Variants in AFG2A observed in about 807,000 individuals in gnomAD.
AFG2A encodes the protein AAA ATPase AFG2A.
At chr4:123,073,931 A>G in the AFG2A span, among the ~76,000 whole-genome samples, 1 of 152,102 alleles carries the variant, frequency 6.6e-6, no homozygotes, top group Non-Finnish European at 1.5e-5. Context: ...TGCAGAAGTT[A>G]TTTTGCATAG....
chr4:123,219,119 C>T, the AFG2A span, among the ~76,000 whole-genome samples: 2 of 152,174 alleles, frequency 1.3e-5, no homozygotes, highest in Non-Finnish European at 2.9e-5. Flanking sequence ...AGCCTTAAAA[C>T]CAGGGAATCC....
the AFG2A span, among the ~76,000 whole-genome samples, chr4:123,037,136 A>G: frequency 6.6e-6 from 1 of 152,060 alleles, no homozygotes; most frequent in Admixed American, 6.5e-5. Context: ...TGTCAGACAC[A>G]TTTAAAAAGC....
chr4:123,261,167 C>T, the AFG2A span, among the ~76,000 whole-genome samples: 1 of 152,298 alleles, frequency 6.6e-6, no homozygotes, highest in African/African-American at 2.4e-5. Context: ...CTGCTATGGA[C>T]TGTCTGCAAC....
chr4:123,046,616 A>C, the AFG2A span, among the ~76,000 whole-genome samples: 1 of 152,134 alleles, frequency 6.6e-6, no homozygotes, highest in Non-Finnish European at 1.5e-5. Context: ...CATCACCTCA[A>C]ACATTGATCT....
At chr4:123,147,082 C>T in the AFG2A span, among the ~76,000 whole-genome samples, 1 of 152,040 alleles carries the variant, frequency 6.6e-6, no homozygotes, top group Non-Finnish European at 1.5e-5. Flanking sequence ...TATTTGTGTT[C>T]CCATTTCACT....
chr4:123,225,622 T>A, the AFG2A span, among the ~76,000 whole-genome samples: 1 of 152,200 alleles, frequency 6.6e-6, no homozygotes, highest in African/African-American at 2.4e-5. Flanking sequence ...AGCCTTGTAG[T>A]ATAGTTTGAA....
the AFG2A span, among the ~76,000 whole-genome samples, chr4:123,113,931 T>C: frequency 4.0e-5 from 6 of 151,686 alleles, no homozygotes; most frequent in Non-Finnish European, 8.8e-5. Flanking sequence ...CTGGAGTGGG[T>C]GGCTCCTCTC....
the AFG2A span, among the ~76,000 whole-genome samples, chr4:123,052,976 G>A: frequency 6.6e-6 from 1 of 152,164 alleles, no homozygotes; most frequent in East Asian, 1.9e-4. Context: ...AGGGCAGGAA[G>A]CATCCAGCAC....
the AFG2A span, among the ~76,000 whole-genome samples, chr4:123,303,666 C>T: frequency 6.6e-6 from 1 of 151,956 alleles, no homozygotes; most frequent in African/African-American, 2.4e-5. Context: ...GAGGCTGAGG[C>T]TGGAGGATCA....
the AFG2A span, among the ~76,000 whole-genome samples, chr4:123,127,689 C>T: frequency 6.6e-6 from 1 of 151,724 alleles, no homozygotes; most frequent in African/African-American, 2.4e-5. Context: ...TGTTAAATTG[C>T]CTGTTATTAA....
chr4:123,268,498 A>G, the AFG2A span, among the ~76,000 whole-genome samples: 1 of 152,174 alleles, frequency 6.6e-6, no homozygotes, highest in South Asian at 2.1e-4. Context: ...AAATTTCTAG[A>G]TTGAAAGCCT....
chr4:123,211,948 C>A, the AFG2A span, among the ~76,000 whole-genome samples: 1 of 152,006 alleles, frequency 6.6e-6, no homozygotes, highest in Non-Finnish European at 1.5e-5. Context: ...TCATAGAAGA[C>A]GTCTGGAAGA....
chr4:122,943,964 C>T, the AFG2A span, among the ~76,000 whole-genome samples: 35 of 152,146 alleles, frequency 2.3e-4, 1 homozygote, highest in South Asian at 2.7e-3. Flanking sequence ...AATATTGGCC[C>T]CCACTCTCTT....
the AFG2A span, among the ~76,000 whole-genome samples, chr4:122,962,718 T>C: frequency 6.6e-6 from 1 of 152,220 alleles, no homozygotes; most frequent in African/African-American, 2.4e-5. Flanking sequence ...AAATAAAAGT[T>C]ATTTCTGAGA....
At chr4:122,934,640 T>C in the AFG2A span, 1 of 1,613,886 alleles carries the variant, frequency 6.2e-7, no homozygotes, top group East Asian at 2.2e-5. Context: ...CAATTCAAAG[T>C]AACTTATGAC....
chr4:122,947,434 A>T, the AFG2A span: 3 of 1,614,148 alleles, frequency 1.9e-6, no homozygotes, highest in Non-Finnish European at 2.5e-6. Flanking sequence ...GCAGCTGGCA[A>T]ATAGTGCTCA....
the AFG2A span, among the ~76,000 whole-genome samples, chr4:122,957,280 T>A: frequency 1.3e-5 from 2 of 152,242 alleles, no homozygotes; most frequent in African/African-American, 2.4e-5. Flanking sequence ...TCCCATGGTG[T>A]TCTTAGAAAC....
At chr4:123,071,051 A>G in the AFG2A span, among the ~76,000 whole-genome samples, 1 of 152,230 alleles carries the variant, frequency 6.6e-6, no homozygotes, top group Non-Finnish European at 1.5e-5. Context: ...TTGAACTGAC[A>G]TATTAATTTT....
At chr4:123,168,986 A>G in the AFG2A span, among the ~76,000 whole-genome samples, 5 of 152,210 alleles carry the variant, frequency 3.3e-5, no homozygotes, top group Admixed American at 6.5e-5. Context: ...AGCCTGGTTA[A>G]CTAGTGTCTG....
Sources: gnomAD v4.1 joint callset for allele counts (sites outside exome capture counted in the v4.1 genomes callset) on GRCh38, gnomAD v4.1.1 for gene constraint, MANE v1.5 for transcripts, NCBI Gene and HGNC (gene_info 2026-07-23, HGNC 2026-07-21) for gene names.